Variants in SLC9A9 observed in about 807,000 individuals in gnomAD.
SLC9A9 encodes the protein solute carrier family 9 member A9, also known as sodium/hydrogen exchanger 9.
Under a neutral mutation model 77.8 loss-of-function variants are expected in SLC9A9, and 62 were observed. That is an observed-to-expected ratio of 0.80 (90% CI 0.65 to 0.98). The LOEUF is 0.98. Among genes scored for constraint, SLC9A9 ranks in the 50% least tolerant of loss-of-function variants. The pLI, the probability that SLC9A9 is intolerant of heterozygous loss-of-function variation, is 0.00. For synonymous variants in SLC9A9, 320 were observed against 283.5 expected (o/e 1.13, Z -1.29); for missense variants, 775 against 774.9 (o/e 1.00, Z 0.00).
intron 5 of SLC9A9, among the ~76,000 whole-genome samples, chr3:143,664,635 A>G (rs2039033585): frequency 6.6e-6 from 1 of 152,240 alleles, no homozygotes; most frequent in South Asian, 2.1e-4. Flanking sequence ...ATGGAGGAAG[A>G]TCTACCAAGC....
intron 13 of SLC9A9, among the ~76,000 whole-genome samples, chr3:143,364,927 A>G (rs1272044332): frequency 6.6e-6 from 1 of 152,190 alleles, no homozygotes; most frequent in Non-Finnish European, 1.5e-5. Context: ...CTAATCATTC[A>G]GGAAAGGATG....
chr3:143,394,741 A>G (rs1011611316), intron 12 of SLC9A9, among the ~76,000 whole-genome samples: 1 of 152,264 alleles, frequency 6.6e-6, no homozygotes. Context: ...GCTGATAGGC[A>G]ACTTCAGCAA....
intron 4 of SLC9A9, among the ~76,000 whole-genome samples, chr3:143,785,488 T>C (rs1301817521): frequency 3.3e-5 from 5 of 152,204 alleles, no homozygotes; most frequent in Admixed American, 1.3e-4. Context: ...TGGATGAATG[T>C]GGTCACATGG....
rs561714043 is a variant in SLC9A9 at position 143,771,624 on chromosome 3, C to T, written c.533+23377G>A. On this transcript the variant is annotated intron_variant, in intron 4 of 15. Coordinates refer to ENST00000316549, the MANE Select transcript of SLC9A9 (RefSeq NM_173653.4). ...ACTGTCCTCTTTCAGCCTAACTTGT[C>T]ATTTAAACTGCAGGAAACACCTTAA... Among the ~76,000 whole-genome samples the T allele has an allele frequency of 1.2e-3, 179 of 152,308 alleles. 1 individual carries two copies. The highest frequency in any genetic ancestry group is 2.0e-3 in the Non-Finnish European group (134 of 68,030).
intron 14 of SLC9A9, among the ~76,000 whole-genome samples, chr3:143,334,383 G>A (rs2031863464): frequency 6.6e-6 from 1 of 152,212 alleles, no homozygotes; most frequent in Admixed American, 6.5e-5. Context: ...AAGCGGACAT[G>A]CTGAAAAGTG....
chr3:143,508,296 C>T (rs1338148954), intron 9 of SLC9A9, among the ~76,000 whole-genome samples: 1 of 152,126 alleles, frequency 6.6e-6, no homozygotes, highest in Non-Finnish European at 1.5e-5. Flanking sequence ...TCATGCCAAC[C>T]CAATCCCTTG....
chr3:143,715,836 G>T (rs1934330139), intron 4 of SLC9A9, among the ~76,000 whole-genome samples: 1 of 152,186 alleles, frequency 6.6e-6, no homozygotes, highest in South Asian at 2.1e-4. Context: ...GAAAACCTGG[G>T]GAGGTATGAT....
intron 5 of SLC9A9, among the ~76,000 whole-genome samples, chr3:143,655,063 C>T (rs1023811504): frequency 1.3e-5 from 2 of 152,198 alleles, no homozygotes; most frequent in African/African-American, 4.8e-5. Flanking sequence ...TGAAATAAAG[C>T]TAGACAGTGT....
intron 4 of SLC9A9, among the ~76,000 whole-genome samples, chr3:143,786,409 C>T (rs1015858435): frequency 1.3e-5 from 2 of 152,140 alleles, no homozygotes; most frequent in African/African-American, 4.8e-5. Flanking sequence ...CATTTTCTCT[C>T]CCCTGTGCTG....
At chr3:143,467,727 A>AAGAGAGAG (rs111531862) in intron 11 of SLC9A9, among the ~76,000 whole-genome samples, 206 of 144,800 alleles carry the variant, frequency 1.4e-3, no homozygotes, top group African/African-American at 2.3e-3. Context: ...CCTGGCTCTA[A>AAGAGAGAG]AGAGAGAGAG....
chr3:143,836,930 G>A (rs1464666322), intron 1 of SLC9A9, among the ~76,000 whole-genome samples: 1 of 152,060 alleles, frequency 6.6e-6, no homozygotes, highest in African/African-American at 2.4e-5. Context: ...TAAGAATAAG[G>A]TATAACAAGT....
intron 12 of SLC9A9, among the ~76,000 whole-genome samples, chr3:143,385,127 TG>T: frequency 6.6e-6 from 1 of 152,186 alleles, no homozygotes; most frequent in East Asian, 1.9e-4. Context: ...TCACGTTAAA[TG>T]GTCCCTGACT....
At chr3:143,332,540 G>T (rs750862057) in intron 14 of SLC9A9, among the ~76,000 whole-genome samples, 13 of 152,180 alleles carry the variant, frequency 8.5e-5, no homozygotes, top group African/African-American at 1.9e-4. Flanking sequence ...TCAAGTCATT[G>T]GTTCTCAACC....
At chr3:143,523,758 C>G (rs535084311) in intron 9 of SLC9A9, among the ~76,000 whole-genome samples, 1 of 152,112 alleles carries the variant, frequency 6.6e-6, no homozygotes, top group South Asian at 2.1e-4. Context: ...TAGGGATTCC[C>G]AATTAATAAT....
chr3:143,806,910 C>T (rs2008732585), intron 2 of SLC9A9, among the ~76,000 whole-genome samples: 1 of 152,118 alleles, frequency 6.6e-6, no homozygotes, highest in Non-Finnish European at 1.5e-5. Flanking sequence ...ATAATAAATG[C>T]TTGAGGAGAT....
chr3:143,781,366 G>A (rs930029931), intron 4 of SLC9A9, among the ~76,000 whole-genome samples: 3 of 152,142 alleles, frequency 2.0e-5, no homozygotes, highest in Admixed American at 6.5e-5. Context: ...TTTAAATGAG[G>A]AGTTAGGGGA....
At chr3:143,449,730 A>T (rs1333478924) in intron 12 of SLC9A9, among the ~76,000 whole-genome samples, 128 of 23,644 alleles carry the variant, frequency 5.4e-3, no homozygotes, top group East Asian at 0.025. Context: ...AATTATATAA[A>T]ATAATTATAT....
At chr3:143,621,149 C>G (rs1483698483) in intron 6 of SLC9A9, among the ~76,000 whole-genome samples, 1 of 152,208 alleles carries the variant, frequency 6.6e-6, no homozygotes, top group Admixed American at 6.5e-5. Flanking sequence ...CACCACAGCT[C>G]AAGGATGCCT....
chr3:143,300,822 G>T (rs1027333524), intron 14 of SLC9A9, among the ~76,000 whole-genome samples: 7 of 152,206 alleles, frequency 4.6e-5, no homozygotes, highest in African/African-American at 1.7e-4. Flanking sequence ...ACAGGGAAAA[G>T]TTGAATTGAT....
Sources: allele counts gnomAD v4.1 joint callset (sites outside exome capture counted in the v4.1 genomes callset), GRCh38; gene constraint gnomAD v4.1.1; transcripts MANE v1.5; gene names NCBI Gene and HGNC (gene_info 2026-07-23, HGNC 2026-07-21).